Variants in FCHSD2 observed in about 807,000 individuals in gnomAD.
The protein encoded by FCHSD2 is F-BAR and double SH3 domains protein 2.
Under a neutral mutation model 108.1 loss-of-function variants are expected in FCHSD2, and 38 were observed. The observed-to-expected ratio is 0.35, with a 90% CI of 0.27 to 0.46. The LOEUF is 0.46. FCHSD2 is among the 20% of genes least tolerant of loss of function. The probability of loss-of-function intolerance (pLI) is 1.00; values close to 1 mark genes in which losing one functional copy is unlikely to be tolerated. For synonymous variants in FCHSD2, 279 were observed against 314.7 expected (o/e 0.89, Z 1.20); for missense variants, 751 against 897.8 (o/e 0.84, Z 2.09).
rs1163398532 is a variant in FCHSD2 at position 72,867,996 on chromosome 11, C to T, written c.1177G>A (p.Asp393Asn). 3.2e-6 allele frequency: 5 copies of T among 1,571,418 alleles called. No individual in the cohort carries two copies. The highest frequency in any genetic ancestry group is 3.5e-6 in the Non-Finnish European group (4 of 1,156,928). The change falls in exon 13 of 20, where the codon GAC (aspartate) becomes AAC (asparagine). Residue 393 changes from aspartate (D) to asparagine (N), a missense_variant. Asp to Asn is a conservative substitution (Grantham distance 23). Coordinates refer to ENST00000409418, the MANE Select transcript of FCHSD2 (RefSeq NM_014824.3). ...GAAACACCAATCTGCTTTAGCAGGTCCAACCGGGCTTCAGCTTTCAATTTA... is the reference window on the plus strand; with the variant it reads ...GAAACACCAATCTGCTTTAGCAGGTTCAACCGGGCTTCAGCTTTCAATTTA... ...IIKLKAEARL[D>N]LLKQIGVSVD...
chr11:73,051,638 C>T (rs2135476336), intron 3 of FCHSD2, among the ~76,000 whole-genome samples: 1 of 152,184 alleles, frequency 6.6e-6, no homozygotes, highest in African/African-American at 2.4e-5. Context: ...AAGTTTAAAA[C>T]CACTATGGGT....
chr11:73,063,324 C>T (rs916961240), intron 3 of FCHSD2, among the ~76,000 whole-genome samples: 7 of 152,182 alleles, frequency 4.6e-5, no homozygotes, highest in African/African-American at 1.7e-4. Flanking sequence ...GTACCAGCCA[C>T]TGCAAAAACA....
chr11:72,881,788 A>G (rs1394188831), intron 12 of FCHSD2, among the ~76,000 whole-genome samples: 5 of 152,264 alleles, frequency 3.3e-5, no homozygotes, highest in Non-Finnish European at 7.3e-5. Flanking sequence ...ACAGAAAGAC[A>G]AATATCACAT....
chr11:72,897,424 G>A (rs1388833037), intron 10 of FCHSD2, among the ~76,000 whole-genome samples: 3 of 151,318 alleles, frequency 2.0e-5, no homozygotes, highest in African/African-American at 4.9e-5. Flanking sequence ...TATTAGCATA[G>A]CATTTACATT....
intron 8 of FCHSD2, among the ~76,000 whole-genome samples, chr11:72,953,740 G>A (rs745820838): frequency 3.9e-5 from 6 of 152,190 alleles, no homozygotes; most frequent in Admixed American, 2.6e-4. Context: ...GCCGCCTTAT[G>A]TTGTGTAGTC....
At chr11:73,109,926 T>C (rs963044517) in intron 2 of FCHSD2, among the ~76,000 whole-genome samples, 1 of 152,216 alleles carries the variant, frequency 6.6e-6, no homozygotes, top group African/African-American at 2.4e-5. Context: ...TTTTATTAAA[T>C]GCTTTTTGAG....
chr11:73,088,949 G>T (rs1250978507), intron 2 of FCHSD2, among the ~76,000 whole-genome samples: 1 of 152,046 alleles, frequency 6.6e-6, no homozygotes, highest in Non-Finnish European at 1.5e-5. Context: ...AAGTCCACAA[G>T]AAAAAGGAAT....
rs1292466689 is a variant in FCHSD2, at chr11:72,843,163, C to T, written c.1693G>A (p.Gly565Arg). Reference protein sequence around the residue: ...EAELVSGSLNGDASVCFVKAL... With the variant: ...EAELVSGSLNRDASVCFVKAL... ...TTTCAGTCTTTACCACTGGCATCTC[C>T]GTTGAGGCTGCCTGAAACGAGTTCT... The change falls in exon 16 of 20, where the codon GGA becomes AGA. Residue 565 changes from glycine (G) to arginine (R), a missense_variant. Gly to Arg is a moderately radical substitution (Grantham distance 125, BLOSUM62 -2). Transcript: ENST00000409418. 1.9e-6 allele frequency: 3 copies of T among 1,613,852 alleles called. No individual in the cohort carries two copies. The highest frequency in any genetic ancestry group is 2.2e-5 in the East Asian group (1 of 44,898).
At chr11:72,940,129 A>G (rs1000263923) in intron 8 of FCHSD2, among the ~76,000 whole-genome samples, 31 of 152,214 alleles carry the variant, frequency 2.0e-4, no homozygotes, top group African/African-American at 7.2e-4. Flanking sequence ...TAGAAGCAGG[A>G]CAAATAAAAT....
At chr11:72,992,766 A>T (rs1276208087) in intron 5 of FCHSD2, among the ~76,000 whole-genome samples, 1 of 152,206 alleles carries the variant, frequency 6.6e-6, no homozygotes, top group South Asian at 2.1e-4. Flanking sequence ...TTCAAGATGG[A>T]TTAAAGACTT....
chr11:73,078,852 C>T (rs1000265902), intron 3 of FCHSD2, among the ~76,000 whole-genome samples: 4 of 152,002 alleles, frequency 2.6e-5, no homozygotes, highest in Admixed American at 6.6e-5. Flanking sequence ...CAAGTAGTTA[C>T]GACTAGAGGC....
chr11:73,141,271 C>T (rs1425511072), intron 1 of FCHSD2: 2 of 153,016 alleles, frequency 1.3e-5, no homozygotes, highest in African/African-American at 2.4e-5. Flanking sequence ...AGCCTCCTCG[C>T]CCCTCAGCCG....
intron 3 of FCHSD2, among the ~76,000 whole-genome samples, chr11:73,062,817 G>C (rs1859199170): frequency 6.6e-6 from 1 of 152,224 alleles, no homozygotes; most frequent in Non-Finnish European, 1.5e-5. Context: ...TCTGATTGGT[G>C]TATCTGAAAG....
chr11:73,033,753 G>A (rs7951614), intron 3 of FCHSD2, among the ~76,000 whole-genome samples: 2,884 of 152,320 alleles, frequency 0.019, 50 homozygotes, highest in African/African-American at 0.049. Flanking sequence ...TTTGAGTACT[G>A]TACTGCCTTT....
intron 12 of FCHSD2, among the ~76,000 whole-genome samples, chr11:72,874,888 C>G (rs1261450017): frequency 2.0e-5 from 3 of 152,176 alleles, no homozygotes; most frequent in Admixed American, 6.5e-5. Context: ...TCTCTGTAAA[C>G]TTGATGGCAT....
intron 2 of FCHSD2, among the ~76,000 whole-genome samples, chr11:73,136,166 A>G (rs542125004): frequency 5.5e-4 from 76 of 139,150 alleles, no homozygotes; most frequent in African/African-American, 1.9e-3. Flanking sequence ...GTCTCTTAAG[A>G]AAAAAAAAAA....
rs143872333 is a variant in FCHSD2, at chr11:72,864,107, G to A, written c.1308+3758C>T. ...TGCAGATGTTCATACTCTAAGTGAG[G>A]CTGTACAACAGAGTAGACTGGCAGT... is the stretch of plus-strand genomic sequence containing the variant. On this transcript the variant is annotated intron_variant, in intron 13 of 19. Transcript: ENST00000409418. Among the ~76,000 whole-genome samples, 43 of 152,304 alleles carry A rather than the reference G, an allele frequency of 2.8e-4. No homozygotes were observed. The East Asian group carries it at 7.7e-3, about 27-fold the overall frequency.
At chr11:73,128,842 T>C (rs1037971250) in intron 2 of FCHSD2, among the ~76,000 whole-genome samples, 2 of 152,220 alleles carry the variant, frequency 1.3e-5, no homozygotes, top group Admixed American at 1.3e-4. Context: ...GGTTACTCTT[T>C]AAAGAATAAG....
At chr11:73,070,124 AG>A (rs1405462534) in intron 3 of FCHSD2, among the ~76,000 whole-genome samples, 3 of 152,376 alleles carry the variant, frequency 2.0e-5, no homozygotes, top group African/African-American at 4.8e-5. Context: ...TGTCCCAAGA[AG>A]AAAATATAGG....
Sources: gnomAD v4.1 joint callset for allele counts (sites outside exome capture counted in the v4.1 genomes callset) on GRCh38, gnomAD v4.1.1 for gene constraint, MANE v1.5 for transcripts, NCBI Gene and HGNC (gene_info 2026-07-23, HGNC 2026-07-21) for gene names.